Variants in ANKRD28 observed in about 807,000 individuals in gnomAD.
ANKRD28 encodes ankyrin repeat domain 28.
Under a neutral mutation model 126.5 loss-of-function variants are expected in ANKRD28, and 44 were observed. The observed-to-expected ratio is 0.35, with a 90% CI of 0.27 to 0.45. The LOEUF (loss-of-function observed/expected upper bound fraction) is 0.45. Ranked by LOEUF, ANKRD28 falls within the 20% of genes least tolerant of loss-of-function variation. The pLI, the probability that ANKRD28 is intolerant of heterozygous loss-of-function variation, is 1.00. For missense variants in ANKRD28, 1,110 were observed against 1,316.6 expected (o/e 0.84, Z 2.43); for synonymous variants, 442 against 468.5 (o/e 0.94, Z 0.73).
At chr3:15,702,998 C>G (rs1481179924) in intron 14 of ANKRD28, among the ~76,000 whole-genome samples, 1 of 152,110 alleles carries the variant, frequency 6.6e-6, no homozygotes, top group African/African-American at 2.4e-5. Context: ...TAAATAGGCA[C>G]AGAGAGGTTA....
chr3:15,749,093 ATGTTTTTG>A (rs1311798255), intron 4 of ANKRD28, among the ~76,000 whole-genome samples: 7 of 57,802 alleles, frequency 1.2e-4, no homozygotes, highest in East Asian at 1.4e-3. Context: ...ATTCTATATT[ATGTTTTTG>A]TTTTTTTTTT....
chr3:15,832,293 TTTA>T (rs2061221674), intron 1 of ANKRD28, among the ~76,000 whole-genome samples: 2 of 152,190 alleles, frequency 1.3e-5, no homozygotes, highest in East Asian at 3.8e-4. Flanking sequence ...TATTTTGCAT[TTTA>T]TTATTTAGAA....
chr3:15,703,396 T>C (rs2070899307), intron 14 of ANKRD28, among the ~76,000 whole-genome samples: 1 of 152,204 alleles, frequency 6.6e-6, no homozygotes, highest in South Asian at 2.1e-4. Context: ...CTCAAGGTGA[T>C]GTTATTAGGA....
intron 2 of ANKRD28, among the ~76,000 whole-genome samples, chr3:15,774,436 T>C (rs756598171): frequency 9.2e-5 from 14 of 152,068 alleles, no homozygotes; most frequent in Non-Finnish European, 1.5e-4. Flanking sequence ...CAACAAAATA[T>C]GGGCATTTAA....
chr3:15,767,700 T>TAAAAAAAAA lies in ANKRD28; in HGVS notation c.202-1397_202-1389dup, dbSNP rs57072807. Among the ~76,000 whole-genome samples the TAAAAAAAAA allele has an allele frequency of 1.7e-4, 11 of 64,364 alleles. 1 individual carries two copies. The highest frequency in any genetic ancestry group is 2.0e-4 in the Non-Finnish European group (7 of 34,348). 42.2% of individuals were successfully genotyped at this position (64,364 alleles called of 152,430 possible). A position where few individuals can be genotyped will look rare whatever the true frequency, so the allele number is the denominator to read the frequency against. On this transcript the variant is annotated intron_variant, in intron 2 of 27. Transcript: ENST00000683139. The stretch of plus-strand genomic sequence containing the variant: ...TAACACAATGAAACCTAGTCTCTAC[T>TAAAAAAAAA]AAAAAAAAAAAAAAAAAAAAAAAAA...
chr3:15,804,665 T>C lies in ANKRD28; in HGVS notation c.28-9359A>G, dbSNP rs755028543. Among the ~76,000 whole-genome samples the C allele has an allele frequency of 1.5e-4, 21 of 144,676 alleles. 1 individual carries two copies. Among genetic ancestry groups the C allele is most frequent in the Non-Finnish European group, 3.0e-4 (20 of 66,968 alleles). 94.9% of individuals were successfully genotyped at this position (144,676 alleles called of 152,430 possible). ...AGGTAATTACAGCAAATGAGACAAG[T>C]TGTAGGATGTGGTCATTGAGGTGGT... On this transcript the variant is annotated intron_variant, in intron 1 of 27. Coordinates refer to the ANKRD28 transcript ENST00000399451.
chr3:15,811,594 G>A (rs575338000), intron 1 of ANKRD28, among the ~76,000 whole-genome samples: 2 of 151,920 alleles, frequency 1.3e-5, no homozygotes, highest in African/African-American at 4.8e-5. Context: ...AGCTGGGACT[G>A]CAGGTGCACG....
At chr3:15,751,677 T>A in intron 4 of ANKRD28, 73 bp downstream of exon 4, 1 of 991,914 alleles carries the variant, frequency 1.0e-6, no homozygotes. Context: ...AACATAGAAT[T>A]TGAATATGGA....
At chr3:15,709,509 G>A (rs983751956) in intron 13 of ANKRD28, among the ~76,000 whole-genome samples, 159 bp downstream of exon 13, 4 of 152,122 alleles carry the variant, frequency 2.6e-5, no homozygotes, top group Non-Finnish European at 5.9e-5. Flanking sequence ...GGGTGAGAAC[G>A]AATATTTGGA....
At chr3:15,691,376 G>T (rs1343560892) in intron 17 of ANKRD28, among the ~76,000 whole-genome samples, 1 of 152,154 alleles carries the variant, frequency 6.6e-6, no homozygotes, top group Non-Finnish European at 1.5e-5. Flanking sequence ...GCCCGCCTCG[G>T]CCTCCCAAAG....
chr3:15,840,678 T>G (rs929228773), intron 1 of ANKRD28, among the ~76,000 whole-genome samples: 3 of 152,202 alleles, frequency 2.0e-5, no homozygotes, highest in African/African-American at 7.2e-5. Context: ...AGCATGGTAT[T>G]AGCATAAAAA....
chr3:15,744,998 T>G (rs570687483), intron 4 of ANKRD28, among the ~76,000 whole-genome samples: 2 of 152,308 alleles, frequency 1.3e-5, no homozygotes, highest in South Asian at 4.1e-4. Flanking sequence ...TAATTAGTGA[T>G]GTTATTTTTC....
chr3:15,807,326 T>C (rs1324314712), intron 1 of ANKRD28, among the ~76,000 whole-genome samples: 2 of 152,204 alleles, frequency 1.3e-5, no homozygotes, highest in East Asian at 3.8e-4. Context: ...ATTACCCTGA[T>C]TAGCTTGTAA....
At chr3:15,820,204 T>C (rs1027353250) in intron 1 of ANKRD28, among the ~76,000 whole-genome samples, 2 of 152,160 alleles carry the variant, frequency 1.3e-5, no homozygotes, top group Non-Finnish European at 2.9e-5. Context: ...TGTACGTATG[T>C]TTATCTACAT....
rs1374477873 is a variant in ANKRD28 at position 15,764,205 on chromosome 3, C to A, written c.280+2029G>T. Among the ~76,000 whole-genome samples the A allele has an allele frequency of 3.3e-5, 5 of 151,932 alleles. No individual in the cohort carries two copies. The East Asian group carries it at 9.6e-4, about 29-fold the overall frequency. On this transcript the variant is annotated intron_variant, in intron 3 of 27. Transcript: ENST00000683139. ...CTGCACTCCAGCCTGGGCGACAGAG[C>A]GAGATTCTGTCTCAAAGAAAAATAA...
rs1474198453 is a variant in ANKRD28 at position 15,816,420 on chromosome 3, G to A, written c.28-21114C>T. On this transcript the variant is annotated intron_variant, in intron 1 of 27. Coordinates refer to the ANKRD28 transcript ENST00000399451. This position sits in a 1 kb window ranked among gnomAD's most constrained non-coding sequence, Gnocchi z 5.0. ...CCTTTTCCCTGATTTGTAATATGGG[G>A]TTATTAAGACCAGCTTAAGTTAACA... Among the ~76,000 whole-genome samples, 5 of 152,094 alleles carry A rather than the reference G, an allele frequency of 3.3e-5. No individual in the cohort carries two copies. In the East Asian group the frequency reaches 9.6e-4, roughly 29 times the overall value.
intron 4 of ANKRD28, among the ~76,000 whole-genome samples, chr3:15,745,496 C>T (rs977022648): frequency 6.6e-6 from 1 of 152,092 alleles, no homozygotes; most frequent in Non-Finnish European, 1.5e-5. Context: ...TTTTTGTTTG[C>T]TTTGTCAAAG....
chr3:15,800,001 T>G (rs1195136600), upstream of ANKRD28, among the ~76,000 whole-genome samples: 1 of 152,070 alleles, frequency 6.6e-6, no homozygotes, highest in Non-Finnish European at 1.5e-5. Context: ...TGCAACAAAG[T>G]GAGTTTCATA....
intron 23 of ANKRD28, 111 bp downstream of exon 23, chr3:15,679,190 A>T: frequency 3.0e-6 from 3 of 1,011,800 alleles, no homozygotes; most frequent in Non-Finnish European, 4.6e-6. Flanking sequence ...GGCTGGTCTT[A>T]AACTCCTGGC....
Sources: gnomAD v4.1 joint callset for allele counts (sites outside exome capture counted in the v4.1 genomes callset) on GRCh38, gnomAD v4.1.1 for gene constraint, Gnocchi (gnomAD v3.1) non-coding constraint, MANE v1.5 for transcripts, NCBI Gene and HGNC (gene_info 2026-07-23, HGNC 2026-07-21) for gene names.